Variants in OTOGL observed in about 807,000 individuals in gnomAD.
OTOGL encodes the protein otogelin-like protein.
Under a neutral mutation model 318.5 loss-of-function variants are expected in OTOGL, and 285 were observed. That is an observed-to-expected ratio of 0.89 (90% confidence interval 0.81 to 0.99). The LOEUF (loss-of-function observed/expected upper bound fraction) is 0.99. Among genes scored for constraint, OTOGL ranks in the 50% least tolerant of loss-of-function variants. OTOGL has a pLI of 0.00. For missense variants in OTOGL, 2,899 were observed against 2,845.6 expected (o/e 1.02, Z -0.43); for synonymous variants, 987 against 936.5 (o/e 1.05, Z -0.99).
intron 1 of OTOGL, among the ~76,000 whole-genome samples, chr12:80,113,185 T>A (rs778648916): frequency 1.3e-5 from 2 of 152,162 alleles, no homozygotes; most frequent in Non-Finnish European, 2.9e-5. Context: ...ATTTTGTTAA[T>A]CTTTTCAAAA....
chr12:80,147,683 G>C (rs900866681), intron 1 of OTOGL, among the ~76,000 whole-genome samples: 1 of 152,030 alleles, frequency 6.6e-6, no homozygotes, highest in Admixed American at 6.6e-5. Context: ...TTAATGTGTG[G>C]GAGTCTAAGT....
At chr12:80,206,656 C>A (rs1301295851) in intron 1 of OTOGL, among the ~76,000 whole-genome samples, 2 of 151,776 alleles carry the variant, frequency 1.3e-5, no homozygotes, top group Non-Finnish European at 2.9e-5. Flanking sequence ...ACTACAGGAG[C>A]ATGCTACCAT....
At chr12:80,330,311 A>C (rs2137884076) in intron 37 of OTOGL, among the ~76,000 whole-genome samples, 1 of 152,310 alleles carries the variant, frequency 6.6e-6, no homozygotes, top group South Asian at 2.1e-4. Context: ...AGCATTTGTC[A>C]TACTTTTAAT....
chr12:80,114,516 C>T (rs140831424), intron 1 of OTOGL, among the ~76,000 whole-genome samples: 3,988 of 152,228 alleles, frequency 0.026, 61 homozygotes, highest in Middle Eastern at 0.037. Flanking sequence ...TGTGGGTAAC[C>T]TGACCTTTCT....
intron 1 of OTOGL, among the ~76,000 whole-genome samples, chr12:80,104,888 A>G (rs1354110733): frequency 6.6e-6 from 1 of 152,156 alleles, no homozygotes; most frequent in Non-Finnish European, 1.5e-5. Context: ...TGAGTTCGGG[A>G]GTTCGACACC....
intron 12 of OTOGL, 58 bp downstream of exon 12, chr12:80,251,857 G>T: frequency 6.9e-7 from 1 of 1,439,692 alleles, no homozygotes; most frequent in Non-Finnish European, 9.5e-7. Flanking sequence ...GTTAAACCTA[G>T]AACTCAAAAC....
In OTOGL at chr12:80,358,758, G is replaced by A; in HGVS notation, c.6209G>A (p.Cys2070Tyr). 2 of 1,608,034 alleles carry A rather than the reference G, an allele frequency of 1.2e-6. No individual in the cohort carries two copies. Among genetic ancestry groups the A allele is most frequent in the Non-Finnish European group, 1.7e-6 (2 of 1,175,160 alleles). Residue 2070 changes from cysteine (C) to tyrosine (Y), a missense_variant, in exon 51 of 59, where the codon TGC becomes TAC. Coordinates refer to ENST00000547103, the MANE Select transcript of OTOGL (RefSeq NM_001378609.3). ...LVKENVSGQC[C>Y]PTWHCECNCE... Reference sequence around the variant, plus strand: ...AAAGAAAATGTATCTGGTCAATGTTGCCCAACATGGCACTGTGGTAACTAA... The same window carrying A: ...AAAGAAAATGTATCTGGTCAATGTTACCCAACATGGCACTGTGGTAACTAA...
At chr12:80,159,834 AC>A (rs761827262) in intron 1 of OTOGL, among the ~76,000 whole-genome samples, 17 of 152,294 alleles carry the variant, frequency 1.1e-4, no homozygotes, top group Non-Finnish European at 2.1e-4. Flanking sequence ...ACATCACATT[AC>A]CTGACTTCAA....
chr12:80,287,596 A>G (rs944077123), intron 26 of OTOGL, among the ~76,000 whole-genome samples: 2 of 152,166 alleles, frequency 1.3e-5, no homozygotes, highest in Admixed American at 6.5e-5. Flanking sequence ...TTGGGTGCGT[A>G]TGTATTTAGG....
In OTOGL at chr12:80,279,045, T is replaced by C. The variant is rs750574816; in HGVS notation, c.2807T>C (p.Met936Thr). 29 of 1,510,404 alleles carry C rather than the reference T, an allele frequency of 1.9e-5. No homozygotes were observed. The highest frequency in any genetic ancestry group is 2.6e-5 in the Non-Finnish European group (29 of 1,122,172). The allele number at this position is 1,510,404 out of a possible 1,614,324, so 93.6% of individuals were successfully genotyped here. Residue 936 changes from methionine (M) to threonine (T), a missense_variant, in exon 26 of 59, where the codon ATG becomes ACG. By Grantham distance (81) the Met-to-Thr change is moderately conservative. Transcript: ENST00000547103. The part of the protein sequence containing the change: ...PCYTCVCRRG[M>T]FNCTYYPCPA... The stretch of plus-strand genomic sequence containing the variant: ...TTTAATAGCGTTTGTCGACGAGGAA[T>C]GTTCAATTGCACATATTATCCATGC...
At chr12:80,301,844 T>C (rs1358293744) in intron 27 of OTOGL, among the ~76,000 whole-genome samples, 1 of 152,202 alleles carries the variant, frequency 6.6e-6, no homozygotes, top group African/African-American at 2.4e-5. Context: ...AATCAGAACA[T>C]ATTTCTGTTC....
intron 44 of OTOGL, among the ~76,000 whole-genome samples, chr12:80,344,343 A>C (rs1200001463): frequency 6.6e-6 from 1 of 152,180 alleles, no homozygotes; most frequent in Non-Finnish European, 1.5e-5. Flanking sequence ...GATACCATTT[A>C]GTCTGTGATA....
chr12:80,324,653 C>T (rs543824681), intron 35 of OTOGL, among the ~76,000 whole-genome samples: 32 of 152,046 alleles, frequency 2.1e-4, no homozygotes, highest in Admixed American at 1.4e-3. Flanking sequence ...CAGACTTGAT[C>T]GGTGATACAG....
At position 80,344,832 on chromosome 12, in the gene OTOGL, CT is replaced by C. The variant is rs1322369160; in HGVS notation, c.5265+2674del. Among the ~76,000 whole-genome samples the C allele has an allele frequency of 5.3e-4, 20 of 37,654 alleles. No individual in the cohort carries two copies. In the East Asian group the frequency reaches 0.042, roughly 80 times the overall value. 24.7% of individuals were successfully genotyped at this position (37,654 alleles called of 152,430 possible). A position where few individuals can be genotyped will look rare whatever the true frequency, so the allele number is the denominator to read the frequency against. On this transcript the variant is annotated intron_variant, in intron 44 of 58. Transcript: ENST00000547103. ...CACTCTCTTCACAAGGAACATCTTG[CT>C]TTTATATTTTCTTAGGCTGTTCAAT...
At chr12:80,312,239 A>G (rs1182978402) in intron 30 of OTOGL, among the ~76,000 whole-genome samples, 2 of 152,198 alleles carry the variant, frequency 1.3e-5, no homozygotes, top group Non-Finnish European at 2.9e-5. Context: ...ATCTATGTCA[A>G]TCCAAACCCA....
intron 6 of OTOGL, 148 bp downstream of exon 6, chr12:80,220,060 A>G: frequency 1.5e-6 from 1 of 655,810 alleles, no homozygotes. Context: ...GTAATTTAGA[A>G]ACAAAGTAAA....
chr12:80,126,082 C>A (rs1413944434), intron 1 of OTOGL, among the ~76,000 whole-genome samples: 2 of 152,142 alleles, frequency 1.3e-5, no homozygotes, highest in Non-Finnish European at 2.9e-5. Flanking sequence ...CTTCTGCTAG[C>A]TTTTGAGTGT....
In OTOGL at chr12:80,313,582, A is replaced by G. The variant is rs377496807; in HGVS notation, c.3557A>G (p.Lys1186Arg). ...LCTSIAAYAY[K>R]CCQEGISIHW... The stretch of plus-strand genomic sequence containing the variant: ...ACTAGTATAGCTGCATATGCATACA[A>G]GTGTTGTCAGGAAGGAATATCAATT... The change falls in exon 31 of 59, where the codon AAG (lysine) becomes AGG (arginine). Residue 1186 changes from lysine to arginine, a missense_variant. This residue lies in a region of OTOGL where 2,607 missense variants were observed against 2,524.9 expected (regional missense o/e 1.03). Transcript: ENST00000547103. The G allele has an allele frequency of 1.4e-4, 226 of 1,612,936 alleles. No individual in the cohort carries two copies. Among genetic ancestry groups the G allele is most frequent in the Non-Finnish European group, 1.9e-4 (221 of 1,179,230 alleles).
At chr12:80,299,376 T>C (rs752428162) in intron 27 of OTOGL, among the ~76,000 whole-genome samples, 2 of 152,224 alleles carry the variant, frequency 1.3e-5, no homozygotes, top group Non-Finnish European at 2.9e-5. Context: ...AAAGACAGTA[T>C]GACACATCTT....
Sources: gnomAD v4.1 joint callset for allele counts (sites outside exome capture counted in the v4.1 genomes callset) on GRCh38, gnomAD v4.1.1 for gene constraint, gnomAD v4.1.1 regional missense constraint, MANE v1.5 for transcripts, NCBI Gene and HGNC (gene_info 2026-07-23, HGNC 2026-07-21) for gene names.